TEX29: variants seen among roughly 807,000 people sequenced by gnomAD.
TEX29 encodes the protein testis expressed 29.
In TEX29, 26 loss-of-function variants were observed where a neutral mutation model predicts 18.2. That is an observed-to-expected ratio of 1.43 (90% CI 1.04 to 1.98). TEX29 has a LOEUF of 1.98. TEX29 is among the 30% of genes most tolerant of loss of function. The pLI is 0.00. For synonymous variants in TEX29, 83 were observed against 78.5 expected, an observed-to-expected ratio of 1.06 and a Z score of -0.31; for missense variants, 177 against 194.2, an observed-to-expected ratio of 0.91 and a Z score of 0.53.
chr13:111,339,226 C>T (rs921437913), intron 3 of TEX29: 1 of 454,994 alleles, frequency 2.2e-6, no homozygotes, highest in South Asian at 1.6e-5. Flanking sequence ...TGCAGGAACC[C>T]CTTTTAATAC....
intron 3 of TEX29, among the ~76,000 whole-genome samples, chr13:111,336,693 C>T (rs1467753620): frequency 6.6e-6 from 1 of 152,192 alleles, no homozygotes; most frequent in East Asian, 1.9e-4. Context: ...GGAACATTTA[C>T]CAAGACGTTT....
intron 3 of TEX29, among the ~76,000 whole-genome samples, chr13:111,330,837 C>T (rs937100924): frequency 3.3e-5 from 5 of 152,200 alleles, no homozygotes; most frequent in Non-Finnish European, 7.3e-5. Context: ...CTTTCACTCA[C>T]GTAGTTCTCA....
At chr13:111,316,953 A>G (rs2093655570), upstream of TEX29, among the ~76,000 whole-genome samples, 1 of 152,048 alleles carries the variant, frequency 6.6e-6, no homozygotes, top group Non-Finnish European at 1.5e-5. Flanking sequence ...CTTTAAAACC[A>G]TCAGCTGTAT....
intron 2 of TEX29, among the ~76,000 whole-genome samples, chr13:111,321,361 G>T (rs2093664241): frequency 6.6e-6 from 1 of 152,158 alleles, no homozygotes; most frequent in Non-Finnish European, 1.5e-5. Flanking sequence ...CCGGGCAACT[G>T]ACCCGGAGGC....
At chr13:111,316,228 A>C, upstream of TEX29, 1 of 506,224 alleles carries the variant, frequency 2.0e-6, no homozygotes, top group South Asian at 1.5e-5. Flanking sequence ...CCATCTGTCA[A>C]GGAAGACAGG....
intron 3 of TEX29, among the ~76,000 whole-genome samples, chr13:111,328,991 G>C (rs1378490558): frequency 6.6e-6 from 1 of 152,210 alleles, no homozygotes; most frequent in Non-Finnish European, 1.5e-5. Context: ...AACCAGGATG[G>C]CCTGCGCGTG....
chr13:111,343,077 G>A, intron 5 of TEX29, 146 bp downstream of exon 5: 1 of 1,013,712 alleles, frequency 9.9e-7, no homozygotes, highest in Non-Finnish European at 1.4e-6. Flanking sequence ...AAATTGTAAT[G>A]TACCCAACAT....
chr13:111,327,313 A>C (rs1403891835), intron 2 of TEX29, among the ~76,000 whole-genome samples: 1 of 152,108 alleles, frequency 6.6e-6, no homozygotes, highest in Non-Finnish European at 1.5e-5. Flanking sequence ...GACTAAATCA[A>C]CCCTAAGGAA....
chr13:111,327,053 T>C (rs1024236916), intron 2 of TEX29, among the ~76,000 whole-genome samples: 3 of 152,116 alleles, frequency 2.0e-5, no homozygotes, highest in Admixed American at 2.0e-4. Context: ...TGGGGCCTCT[T>C]CCGGCCTCCC....
At chr13:111,327,251 C>T (rs1016835030) in intron 2 of TEX29, among the ~76,000 whole-genome samples, 2 of 152,188 alleles carry the variant, frequency 1.3e-5, no homozygotes, top group Admixed American at 6.5e-5. Context: ...GGGCTGCAGC[C>T]GCAGCATTTG....
intron 2 of TEX29, 46 bp downstream of exon 2, chr13:111,320,994 T>TGG (rs754534975): frequency 2.3e-5 from 7 of 310,216 alleles, no homozygotes; most frequent in East Asian, 1.0e-4. Context: ...GGGGGAGCAG[T>TGG]TGGGGGGGGG....
At chr13:111,337,718 C>A (rs182698042) in intron 3 of TEX29, among the ~76,000 whole-genome samples, 1 of 152,002 alleles carries the variant, frequency 6.6e-6, no homozygotes, top group South Asian at 2.1e-4. Context: ...CAAGTTTCCA[C>A]GGGACAGTCC....
At chr13:111,339,042 A>G (rs1040309005) in intron 3 of TEX29, among the ~76,000 whole-genome samples, 1 of 152,194 alleles carries the variant, frequency 6.6e-6, no homozygotes, top group African/African-American at 2.4e-5. Flanking sequence ...TCTCTCAGAA[A>G]GAGGCTCAGG....
chr13:111,339,098 G>A (rs1489920692), intron 3 of TEX29, among the ~76,000 whole-genome samples: 1 of 152,218 alleles, frequency 6.6e-6, no homozygotes, highest in Non-Finnish European at 1.5e-5. Flanking sequence ...GTCTTGGAGA[G>A]GCTGGGAGTG....
upstream of TEX29, among the ~76,000 whole-genome samples, chr13:111,319,843 C>G (rs1187879584): frequency 6.6e-6 from 1 of 152,242 alleles, no homozygotes; most frequent in Non-Finnish European, 1.5e-5. Context: ...CGGCAGTTGC[C>G]TGCCTTCTTC....
Position 111,344,133 on chromosome 13 carries a change from A to G in TEX29, c.*10A>G, listed in dbSNP as rs150151490. The G allele has an allele frequency of 1.1e-4, 174 of 1,611,466 alleles. No homozygotes were observed. The African/African-American group carries it at 2.0e-3, about 19-fold the overall frequency. The stretch of plus-strand genomic sequence containing the variant: ...AGAAACTGAGGACTGACTGAGACGC[A>G]TGAAGAAGTGGAGATTGTCAGAATT... On this transcript the variant is annotated 3_prime_UTR_variant, in exon 6 of 6. Transcript: ENST00000283547.
intron 2 of TEX29, among the ~76,000 whole-genome samples, chr13:111,326,193 G>T (rs1464439449): frequency 2.6e-5 from 4 of 152,252 alleles, no homozygotes; most frequent in Non-Finnish European, 4.4e-5. Context: ...GTCTGCTGGG[G>T]TGGAGGAGAC....
At chr13:111,339,192 A>T (rs1231224291) in intron 3 of TEX29, 5 of 450,110 alleles carry the variant, frequency 1.1e-5, no homozygotes, top group Non-Finnish European at 2.2e-5. Context: ...GCTGGGTTGG[A>T]GAAGGCACGG....
chr13:111,318,370 T>G (rs1476002750), upstream of TEX29, among the ~76,000 whole-genome samples: 1 of 152,194 alleles, frequency 6.6e-6, no homozygotes, highest in Admixed American at 6.5e-5. Flanking sequence ...TGTCTGTCAG[T>G]GTAGTCACTG....
Sources: gnomAD v4.1 joint callset for allele counts (sites outside exome capture counted in the v4.1 genomes callset) on GRCh38, gnomAD v4.1.1 for gene constraint, MANE v1.5 for transcripts, NCBI Gene and HGNC (gene_info 2026-07-23, HGNC 2026-07-21) for gene names.